Variants in APBB1IP observed in about 807,000 individuals in gnomAD.
APBB1IP encodes the protein amyloid beta precursor protein binding family B member 1 interacting protein, also known as amyloid beta A4 precursor protein-binding family B member 1-interacting protein.
In APBB1IP, 27 loss-of-function variants were observed where a neutral mutation model predicts 64.9. The observed-to-expected ratio is 0.42, with a 90% CI of 0.31 to 0.57. APBB1IP has a LOEUF of 0.57. Ranked by LOEUF, APBB1IP falls within the 20% of genes least tolerant of loss-of-function variation. APBB1IP has a pLI of 0.20. For synonymous variants in APBB1IP, 392 were observed against 331.0 expected (o/e 1.18, Z -2.00); for missense variants, 812 against 845.5 (o/e 0.96, Z 0.49).
At chr10:26,492,445 T>A (rs1216488338) in intron 3 of APBB1IP, 47 bp downstream of exon 3, 1 of 1,562,682 alleles carries the variant, frequency 6.4e-7, no homozygotes, top group Non-Finnish European at 8.8e-7. Flanking sequence ...AAAATAGAGT[T>A]GCAGAATTTC....
chr10:26,480,865 G>A (rs1327362528), intron 2 of APBB1IP, among the ~76,000 whole-genome samples: 1 of 151,938 alleles, frequency 6.6e-6, no homozygotes, highest in African/African-American at 2.4e-5. Context: ...AGGGGACAGT[G>A]AATTGACCTA....
intron 9 of APBB1IP, 85 bp downstream of exon 9, chr10:26,533,610 A>C: frequency 1.3e-6 from 1 of 795,262 alleles, no homozygotes. Flanking sequence ...CAATGGAAAA[A>C]TCTAAAGACA....
intron 11 of APBB1IP, among the ~76,000 whole-genome samples, chr10:26,548,194 T>A (rs1010558923): frequency 2.0e-5 from 3 of 152,212 alleles, no homozygotes; most frequent in African/African-American, 7.2e-5. Context: ...AAAATTTTTT[T>A]TTATTATTAT....
In APBB1IP at chr10:26,560,159, A is replaced by G. The variant is rs34081356; in HGVS notation, c.1210A>G (p.Thr404Ala). Residue 404 changes from threonine (T) to alanine (A), a missense_variant, in exon 12 of 15, where the codon ACA (threonine) becomes GCA (alanine). Around this residue, in one of 3 missense-constraint regions of APBB1IP, gnomAD observed 37 missense variants for 80.4 expected, o/e 0.46. Transcript: ENST00000376236. ...TATCAAGTATCTCTGCTGTGATGAC[A>G]CAAGAACCCTTAACCAGTGGGTCAT... ...QYIKYLCCDD[T>A]RTLNQWVMGI... 6,285 of 1,614,148 alleles carry G rather than the reference A, an allele frequency of 3.9e-3. 217 individuals are homozygous for G. The African/African-American group carries it at 0.074, about 19-fold the overall frequency.
intron 2 of APBB1IP, among the ~76,000 whole-genome samples, chr10:26,473,962 A>G (rs2132417014): frequency 6.8e-6 from 1 of 146,138 alleles, no homozygotes; most frequent in Non-Finnish European, 1.5e-5. Context: ...AGATCGCACC[A>G]CTGCACTCCA....
At chr10:26,503,404 G>C in intron 6 of APBB1IP, 130 bp downstream of exon 6, 1 of 778,274 alleles carries the variant, frequency 1.3e-6, no homozygotes, top group Non-Finnish European at 2.0e-6. Flanking sequence ...GGGAGGACAA[G>C]GTGGGTGGAT....
Position 26,562,394 on chromosome 10 carries a change from C to T in APBB1IP, c.1438C>T (p.Leu480Phe). ...GGCTACACATTCTGTCAGTGCTGTTCTCCAAGAGGCCCAGAGACATGCTGA... is the reference window on the plus strand; with the variant it reads ...GGCTACACATTCTGTCAGTGCTGTTTTCCAAGAGGCCCAGAGACATGCTGA... Reference protein sequence around the residue: ...PQATHSVSAVLQEAQRHAETS... With the variant: ...PQATHSVSAVFQEAQRHAETS... The change falls in exon 14 of 15, where the codon CTC becomes TTC. Residue 480 changes from leucine to phenylalanine, a missense_variant. By Grantham distance (22) the Leu-to-Phe change is conservative. Around this residue, in one of 3 missense-constraint regions of APBB1IP, gnomAD observed 381 missense variants for 352.1 expected, o/e 1.08. Transcript: ENST00000376236. 6.2e-7 allele frequency: 1 copy of T among 1,613,982 alleles called. No homozygotes were observed. The highest frequency in any genetic ancestry group is 8.5e-7 in the Non-Finnish European group (1 of 1,179,932).
intron 2 of APBB1IP, among the ~76,000 whole-genome samples, chr10:26,471,965 G>A (rs553091398): frequency 3.9e-5 from 6 of 152,304 alleles, no homozygotes; most frequent in African/African-American, 1.4e-4. Flanking sequence ...TTACAGGCGT[G>A]AGCCACTGTG....
intron 11 of APBB1IP, among the ~76,000 whole-genome samples, chr10:26,543,421 C>A (rs112319052): frequency 6.7e-6 from 1 of 149,186 alleles, no homozygotes; most frequent in Non-Finnish European, 1.5e-5. Flanking sequence ...GAGCCGAGAT[C>A]GCACCACTGC....
chr10:26,559,740 T>A (rs1836942993), intron 11 of APBB1IP, among the ~76,000 whole-genome samples: 1 of 150,948 alleles, frequency 6.6e-6, no homozygotes, highest in African/African-American at 2.4e-5. Flanking sequence ...TCCCTCAGCC[T>A]CCCGAGTAGC....
intron 14 of APBB1IP, among the ~76,000 whole-genome samples, chr10:26,563,195 A>G (rs1442145753): frequency 1.3e-5 from 2 of 152,132 alleles, no homozygotes; most frequent in African/African-American, 2.4e-5. Flanking sequence ...AAAGAGCTAC[A>G]TTATAAATAG....
At chr10:26,505,984 C>G (rs1836170829) in intron 6 of APBB1IP, among the ~76,000 whole-genome samples, 1 of 152,234 alleles carries the variant, frequency 6.6e-6, no homozygotes, top group East Asian at 1.9e-4. Flanking sequence ...GTGTTCACTC[C>G]TTCATTCACC....
chr10:26,448,967 C>T (rs1459482173), intron 2 of APBB1IP, among the ~76,000 whole-genome samples: 1 of 152,172 alleles, frequency 6.6e-6, no homozygotes, highest in African/African-American at 2.4e-5. Flanking sequence ...TCATCGACAG[C>T]CACTCTCTTT....
chr10:26,491,664 A>G (rs1458412358), intron 2 of APBB1IP, among the ~76,000 whole-genome samples: 1 of 152,148 alleles, frequency 6.6e-6, no homozygotes, highest in African/African-American at 2.4e-5. Context: ...TTCTAAATAA[A>G]TGTACTAAAA....
intron 2 of APBB1IP, among the ~76,000 whole-genome samples, chr10:26,474,584 A>C (rs1300852146): frequency 6.6e-6 from 1 of 152,258 alleles, no homozygotes; most frequent in East Asian, 1.9e-4. Flanking sequence ...ACTTCAAAAC[A>C]TCCTGTTTCA....
intron 9 of APBB1IP, among the ~76,000 whole-genome samples, 197 bp downstream of exon 9, chr10:26,533,722 CAT>C (rs1302502431): frequency 3.3e-5 from 5 of 152,064 alleles, no homozygotes; most frequent in African/African-American, 1.2e-4. Context: ...TTTGTTACAA[CAT>C]GTGGCTTTAG....
intron 2 of APBB1IP, among the ~76,000 whole-genome samples, chr10:26,472,210 A>G (rs2132415448): frequency 6.6e-6 from 1 of 152,338 alleles, no homozygotes; most frequent in East Asian, 1.9e-4. Flanking sequence ...TGCACATGAA[A>G]ACATCTGGCT....
At chr10:26,461,213 GA>G (rs1835588215) in intron 2 of APBB1IP, among the ~76,000 whole-genome samples, 1 of 152,018 alleles carries the variant, frequency 6.6e-6, no homozygotes, top group Admixed American at 6.6e-5. Flanking sequence ...GGGAAGGAAG[GA>G]AGGAAAAACT....
At chr10:26,445,680 C>T (rs375051156) in intron 2 of APBB1IP, among the ~76,000 whole-genome samples, 30 of 152,232 alleles carry the variant, frequency 2.0e-4, no homozygotes, top group African/African-American at 7.0e-4. Context: ...TTTTTGTGCC[C>T]GGAGGTTTCA....
Sources: gnomAD v4.1 joint callset for allele counts (sites outside exome capture counted in the v4.1 genomes callset) on GRCh38, gnomAD v4.1.1 for gene constraint, gnomAD v4.1.1 regional missense constraint, MANE v1.5 for transcripts, NCBI Gene and HGNC (gene_info 2026-07-23, HGNC 2026-07-21) for gene names.